The following GAB2 variants were observed in gnomAD, a reference collection of about 807,000 sequenced individuals.
The protein encoded by GAB2 is GRB2 associated binding protein 2.
GAB2 carries 26 observed loss-of-function variants against 65.5 expected under a neutral mutation model. That is an observed-to-expected ratio of 0.40 (90% CI 0.29 to 0.55). The LOEUF is 0.55. Ranked by LOEUF, GAB2 falls within the 20% of genes least tolerant of loss-of-function variation. The pLI, the probability that GAB2 is intolerant of heterozygous loss-of-function variation, is 0.53. For synonymous variants in GAB2, 321 were observed against 329.6 expected (o/e 0.97, Z 0.28); for missense variants, 884 against 875.8 (o/e 1.01, Z -0.12).
intron 1 of GAB2, among the ~76,000 whole-genome samples, chr11:78,389,457 C>T (rs1856807101): frequency 6.6e-6 from 1 of 152,084 alleles, no homozygotes; most frequent in South Asian, 2.1e-4. Context: ...CAGGCATGTG[C>T]CACCACACCC....
At chr11:78,240,289 T>A (rs1395410773) in intron 3 of GAB2, among the ~76,000 whole-genome samples, 1 of 152,100 alleles carries the variant, frequency 6.6e-6, no homozygotes, top group Non-Finnish European at 1.5e-5. Context: ...CACACCCTCC[T>A]GGGCCTGAGC....
At chr11:78,404,533 A>G (rs56298752) in intron 1 of GAB2, among the ~76,000 whole-genome samples, 7,078 of 152,238 alleles carry the variant, frequency 0.046, 529 homozygotes, top group African/African-American at 0.16. Flanking sequence ...ACAGAGCAAG[A>G]CTCCGTCTTG....
chr11:78,238,541 A>G (rs562391998), intron 3 of GAB2, among the ~76,000 whole-genome samples: 12 of 151,988 alleles, frequency 7.9e-5, no homozygotes, highest in Non-Finnish European at 1.8e-4. Context: ...CTAGATTAAA[A>G]AAAAAAAAGC....
chr11:78,358,098 T>C (rs1473364474), intron 1 of GAB2, among the ~76,000 whole-genome samples: 1 of 151,988 alleles, frequency 6.6e-6, no homozygotes, highest in South Asian at 2.1e-4. Flanking sequence ...ATATACACCA[T>C]GGAATACTAT....
Position 78,346,729 on chromosome 11 carries a change from T to A in GAB2, c.76-65828A>T, listed in dbSNP as rs1856196923. On this transcript the variant is annotated intron_variant, in intron 1 of 9. Transcript: ENST00000361507. ...TATATATATATATATATAATTTTTT[T>A]TTTTTTTAGGAAAAGAAACAAAATA... Among the ~76,000 whole-genome samples, 2 of 127,914 alleles carry A rather than the reference T, an allele frequency of 1.6e-5. 1 individual carries two copies. The highest frequency in any genetic ancestry group is 4.9e-4 in the South Asian group (2 of 4,060). 83.9% of individuals were successfully genotyped at this position (127,914 alleles called of 152,430 possible).
intron 1 of GAB2, among the ~76,000 whole-genome samples, chr11:78,281,143 C>G (rs1866324087): frequency 6.6e-6 from 1 of 152,024 alleles, no homozygotes; most frequent in Non-Finnish European, 1.5e-5. Context: ...TTTGTAGAGA[C>G]AAGGTCTTGC....
intron 1 of GAB2, among the ~76,000 whole-genome samples, chr11:78,333,010 T>G (rs2069288747): frequency 6.6e-6 from 1 of 152,172 alleles, no homozygotes; most frequent in African/African-American, 2.4e-5. Flanking sequence ...CTCTTATAAT[T>G]TAATGGGAAA....
At chr11:78,381,675 A>T (rs1315099978) in intron 1 of GAB2, among the ~76,000 whole-genome samples, 4 of 93,158 alleles carry the variant, frequency 4.3e-5, no homozygotes, top group East Asian at 5.7e-4. Flanking sequence ...GTAAATAGAT[A>T]AAAAAAAAAA....
At chr11:78,405,131 C>T (rs1474970631) in intron 1 of GAB2, among the ~76,000 whole-genome samples, 1 of 128,340 alleles carries the variant, frequency 7.8e-6, no homozygotes, top group Non-Finnish European at 1.6e-5. Flanking sequence ...TGGAGTCTAG[C>T]TCTGTCGCCC....
intron 1 of GAB2, among the ~76,000 whole-genome samples, chr11:78,387,808 A>G (rs182087403): frequency 6.6e-6 from 1 of 152,340 alleles, no homozygotes; most frequent in East Asian, 1.9e-4. Context: ...TTTATTTTAT[A>G]TGGAGACACC....
chr11:78,311,070 T>C (rs1379439556), intron 1 of GAB2, among the ~76,000 whole-genome samples: 4 of 152,180 alleles, frequency 2.6e-5, no homozygotes, highest in Admixed American at 2.0e-4. Flanking sequence ...GGCAACAAGA[T>C]GGGACAGTTC....
chr11:78,274,498 C>G (rs1199781084), intron 2 of GAB2, among the ~76,000 whole-genome samples: 2 of 152,164 alleles, frequency 1.3e-5, no homozygotes, highest in Non-Finnish European at 2.9e-5. Context: ...CTATGTCTGT[C>G]TGGATGCATC....
At chr11:78,248,591 T>C (rs1351607948) in intron 3 of GAB2, among the ~76,000 whole-genome samples, 1 of 152,248 alleles carries the variant, frequency 6.6e-6, no homozygotes, top group African/African-American at 2.4e-5. Flanking sequence ...GTTGTCTATG[T>C]AGTAGAAGAG....
At chr11:78,310,561 T>G (rs543825753) in intron 1 of GAB2, among the ~76,000 whole-genome samples, 19 of 151,450 alleles carry the variant, frequency 1.3e-4, no homozygotes, top group Non-Finnish European at 2.5e-4. Context: ...AGTTATGATC[T>G]GTAAGCGGGA....
intron 2 of GAB2, among the ~76,000 whole-genome samples, chr11:78,267,857 C>CAAA (rs751533828): frequency 0.027 from 870 of 32,592 alleles, 88 homozygotes; most frequent in African/African-American, 0.078. Flanking sequence ...GACTCCGTCT[C>CAAA]AAAAAAAAAA....
intron 1 of GAB2, among the ~76,000 whole-genome samples, chr11:78,345,421 T>C (rs1361090924): frequency 6.6e-6 from 1 of 152,220 alleles, no homozygotes; most frequent in Non-Finnish European, 1.5e-5. Flanking sequence ...AGGAATTTAG[T>C]TGAGAAGACA....
At chr11:78,320,559 A>T (rs1366336339) in intron 1 of GAB2, among the ~76,000 whole-genome samples, 1 of 152,062 alleles carries the variant, frequency 6.6e-6, no homozygotes, top group Non-Finnish European at 1.5e-5. Context: ...GCTTGAGAAG[A>T]GCAAGCCTAG....
At chr11:78,275,796 ATATC>A (rs2134575429) in intron 2 of GAB2, among the ~76,000 whole-genome samples, 1 of 152,276 alleles carries the variant, frequency 6.6e-6, no homozygotes, top group South Asian at 2.1e-4. Flanking sequence ...ATATATCTAT[ATATC>A]TATATCTATA....
At chr11:78,407,772 G>A (rs552920602) in intron 1 of GAB2, among the ~76,000 whole-genome samples, 2 of 147,360 alleles carry the variant, frequency 1.4e-5, no homozygotes, top group Non-Finnish European at 3.0e-5. Context: ...AAGAAAGAGA[G>A]AGAAAGAAAG....
Sources: allele counts gnomAD v4.1 joint callset (sites outside exome capture counted in the v4.1 genomes callset), GRCh38; gene constraint gnomAD v4.1.1; transcripts MANE v1.5; gene names NCBI Gene and HGNC (gene_info 2026-07-23, HGNC 2026-07-21).